The following CNTN5 variants were observed in gnomAD, a reference collection of about 807,000 sequenced individuals.
The protein encoded by CNTN5 is contactin-5.
CNTN5 carries 77 observed loss-of-function variants against 129.1 expected under a neutral mutation model. That is an observed-to-expected ratio of 0.60 (90% confidence interval 0.50 to 0.72). The LOEUF is 0.72. CNTN5 is among the 30% of genes least tolerant of loss of function. The pLI is 0.00. For synonymous variants in CNTN5, 509 were observed against 465.6 expected (o/e 1.09, Z -1.20); for missense variants, 1,478 against 1,328.8 (o/e 1.11, Z -1.75).
intron 1 of CNTN5, among the ~76,000 whole-genome samples, chr11:99,216,950 C>G (rs908284734): frequency 6.6e-6 from 1 of 151,928 alleles, no homozygotes; most frequent in Admixed American, 6.6e-5. Context: ...TTTGGGAGGC[C>G]GAGGCAGGCA....
chr11:99,657,449 G>T (rs1952418809), intron 3 of CNTN5, among the ~76,000 whole-genome samples: 1 of 152,030 alleles, frequency 6.6e-6, no homozygotes, highest in South Asian at 2.1e-4. Context: ...AGTCTCCATG[G>T]TATCCTTGAT....
chr11:99,159,104 A>G (rs565521913), intron 1 of CNTN5, among the ~76,000 whole-genome samples: 3 of 152,320 alleles, frequency 2.0e-5, no homozygotes, highest in African/African-American at 7.2e-5. Context: ...GGAAATAATA[A>G]CATAATGACT....
intron 1 of CNTN5, among the ~76,000 whole-genome samples, chr11:99,159,529 G>A (rs187275971): frequency 3.9e-5 from 6 of 152,290 alleles, no homozygotes; most frequent in Non-Finnish European, 7.4e-5. Flanking sequence ...GGCTGAGGCA[G>A]GAGAATGGCG....
intron 1 of CNTN5, among the ~76,000 whole-genome samples, chr11:99,271,320 G>A (rs763129393): frequency 6.6e-6 from 1 of 151,740 alleles, no homozygotes; most frequent in Non-Finnish European, 1.5e-5. Context: ...ATATTTTAAT[G>A]CATATTTTAT....
At chr11:99,848,197 G>A (rs906348098) in intron 6 of CNTN5, among the ~76,000 whole-genome samples, 14 of 152,098 alleles carry the variant, frequency 9.2e-5, no homozygotes, top group Non-Finnish European at 1.8e-4. Flanking sequence ...GCGACAAAGC[G>A]AGACTCCTTC....
At chr11:99,097,781 C>T (rs1008905822) in intron 1 of CNTN5, among the ~76,000 whole-genome samples, 2 of 151,798 alleles carry the variant, frequency 1.3e-5, no homozygotes, top group Admixed American at 6.6e-5. Flanking sequence ...TAATGTCTTT[C>T]CTACATAGGT....
At chr11:99,037,733 C>T (rs1426132209) in intron 1 of CNTN5, among the ~76,000 whole-genome samples, 1 of 151,724 alleles carries the variant, frequency 6.6e-6, no homozygotes, top group East Asian at 1.9e-4. Flanking sequence ...GCACGCCCCA[C>T]CACGCACAGC....
At chr11:100,074,397 G>C in intron 13 of CNTN5, 103 bp downstream of exon 13, 1 of 997,582 alleles carries the variant, frequency 1.0e-6, no homozygotes, top group Non-Finnish European at 1.5e-6. Context: ...ACCGTGAGAC[G>C]TATTTTATGA....
chr11:100,308,538 T>A, intron 21 of CNTN5, 70 bp downstream of exon 21: 1 of 1,501,184 alleles, frequency 6.7e-7, no homozygotes, highest in Non-Finnish European at 8.9e-7. Context: ...AAGAGAGGTT[T>A]TGGTGACACC....
chr11:100,231,841 T>G (rs1023163511), intron 16 of CNTN5, among the ~76,000 whole-genome samples: 1 of 152,042 alleles, frequency 6.6e-6, no homozygotes, highest in African/African-American at 2.4e-5. Flanking sequence ...CATTTTAAAG[T>G]CGGGTGGGAA....
chr11:100,139,998 C>A (rs375558888), intron 13 of CNTN5, among the ~76,000 whole-genome samples: 3 of 152,066 alleles, frequency 2.0e-5, no homozygotes, highest in Non-Finnish European at 2.9e-5. Flanking sequence ...CAAATCCTAG[C>A]GCACAGTAGA....
intron 3 of CNTN5, among the ~76,000 whole-genome samples, chr11:99,787,749 AT>A (rs1327012831): frequency 3.9e-5 from 6 of 152,156 alleles, no homozygotes; most frequent in South Asian, 2.1e-4. Context: ...CCAGAAAAAA[AT>A]ATATCAGACA....
chr11:99,177,653 A>T (rs1294384383), intron 1 of CNTN5, among the ~76,000 whole-genome samples: 3 of 152,210 alleles, frequency 2.0e-5, no homozygotes, highest in Admixed American at 2.0e-4. Context: ...GAGCTCTGGT[A>T]AGTACATAGT....
Position 99,645,262 on chromosome 11 carries a change from CAAAAAAAAA to C in CNTN5, c.55+89010_55+89018del, listed in dbSNP as rs71050011. Among the ~76,000 whole-genome samples the C allele has an allele frequency of 5.1e-3, 244 of 47,514 alleles. 1 individual carries two copies. Among genetic ancestry groups the C allele is most frequent in the Middle Eastern group, 0.023 (1 of 44 alleles). The allele number at this position is 47,514 out of a possible 152,430, so 31.2% of individuals were successfully genotyped here. On this transcript the variant is annotated intron_variant, in intron 3 of 24. Coordinates refer to ENST00000524871, the MANE Select transcript of CNTN5 (RefSeq NM_014361.4). ...GCAACAGAGCGAGGCTCCATCTCAA[CAAAAAAAAA>C]AAAAAAAAAAAAAAAAGATTGAGAA...
chr11:99,226,253 C>A (rs546384584), intron 1 of CNTN5, among the ~76,000 whole-genome samples: 6 of 152,252 alleles, frequency 3.9e-5, no homozygotes, highest in South Asian at 4.1e-4. Context: ...AGGGTGCTAG[C>A]AAACTAAGAG....
intron 1 of CNTN5, among the ~76,000 whole-genome samples, chr11:99,196,143 T>C (rs146963731): frequency 1.3e-5 from 2 of 151,356 alleles, no homozygotes; most frequent in African/African-American, 4.9e-5. Context: ...TTATAAACAG[T>C]GAGTGACTTA....
At chr11:99,173,250 T>C (rs1591311234) in intron 1 of CNTN5, among the ~76,000 whole-genome samples, 2 of 152,260 alleles carry the variant, frequency 1.3e-5, no homozygotes, top group South Asian at 4.1e-4. Flanking sequence ...TAAGAGGACT[T>C]TTTAAGTGGA....
chr11:99,908,298 G>C (rs1949564921), intron 6 of CNTN5, among the ~76,000 whole-genome samples: 1 of 152,016 alleles, frequency 6.6e-6, no homozygotes, highest in African/African-American at 2.4e-5. Context: ...AGTTAAGCGT[G>C]AAAGCTTGAG....
intron 1 of CNTN5, among the ~76,000 whole-genome samples, chr11:99,278,701 C>T (rs1464619412): frequency 1.3e-5 from 2 of 151,632 alleles, no homozygotes; most frequent in African/African-American, 4.8e-5. Flanking sequence ...AGCTTATATA[C>T]CTCATCCAAG....
Sources: allele counts gnomAD v4.1 joint callset (sites outside exome capture counted in the v4.1 genomes callset), GRCh38; gene constraint gnomAD v4.1.1; transcripts MANE v1.5; gene names NCBI Gene and HGNC (gene_info 2026-07-23, HGNC 2026-07-21).